The following NEK6 variants were observed in gnomAD, a reference collection of about 807,000 sequenced individuals.
NEK6 encodes serine/threonine-protein kinase Nek6.
A neutral mutation model predicts 43.5 loss-of-function variants in NEK6; 27 were observed. The observed-to-expected ratio is 0.62, with a 90% CI of 0.46 to 0.86. The LOEUF (loss-of-function observed/expected upper bound fraction) is 0.86. Among genes scored for constraint, NEK6 ranks in the 40% least tolerant of loss-of-function variants. NEK6 has a pLI of 0.00. For synonymous variants in NEK6, 167 were observed against 164.1 expected, an observed-to-expected ratio of 1.02 and a Z score of -0.14; for missense variants, 318 against 414.4, an observed-to-expected ratio of 0.77 and a Z score of 2.02.
chr9:124,342,317 C>T (rs541269934), intron 8 of NEK6, among the ~76,000 whole-genome samples: 6 of 152,292 alleles, frequency 3.9e-5, no homozygotes, highest in East Asian at 1.9e-4. Flanking sequence ...AGTGGATGGT[C>T]GGGGAGCACA....
chr9:124,276,488 C>T (rs1399047060), intron 1 of NEK6, among the ~76,000 whole-genome samples: 1 of 152,182 alleles, frequency 6.6e-6, no homozygotes, highest in Non-Finnish European at 1.5e-5. Context: ...AAAGAAAAAT[C>T]ATGAAGCAAT....
At chr9:124,273,870 A>T (rs1184322240) in intron 1 of NEK6, among the ~76,000 whole-genome samples, 6 of 152,160 alleles carry the variant, frequency 3.9e-5, no homozygotes, top group African/African-American at 1.4e-4. Flanking sequence ...GGTTTTAGCG[A>T]GTGCGGCGGC....
intron 7 of NEK6, among the ~76,000 whole-genome samples, chr9:124,336,420 T>A (rs1829291875): frequency 6.6e-6 from 1 of 152,200 alleles, no homozygotes; most frequent in African/African-American, 2.4e-5. Context: ...GGCTTTGTGT[T>A]TTTTAAATGC....
At chr9:124,273,526 C>T (rs1831531671) in intron 1 of NEK6, among the ~76,000 whole-genome samples, 1 of 152,178 alleles carries the variant, frequency 6.6e-6, no homozygotes, top group Non-Finnish European at 1.5e-5. Context: ...TCCACCCTTC[C>T]TGGGACCGAC....
In NEK6 at chr9:124,291,763, T is replaced by C. The variant is rs189836743; in HGVS notation, c.-29-10173T>C. ...TTGTCCCTCCCTGAGCCTACACTGG[T>C]CTAATCGGGTGGTGCTGCCATCAGA... On this transcript the variant is annotated intron_variant, in intron 1 of 9. Transcript: ENST00000320246. The C allele has an allele frequency of 1.6e-4, 153 of 955,762 alleles. No individual in the cohort carries two copies. The African/African-American group carries it at 2.6e-3, about 16-fold the overall frequency. The allele number at this position is 955,762 out of a possible 1,614,324, so 59.2% of individuals were successfully genotyped here.
intron 8 of NEK6, among the ~76,000 whole-genome samples, chr9:124,342,590 C>T (rs981745107): frequency 1.3e-5 from 2 of 152,250 alleles, no homozygotes; most frequent in Non-Finnish European, 2.9e-5. Context: ...ACGGGCACTT[C>T]TGCCCGCCTC....
chr9:124,272,282 T>C (rs988884308), intron 1 of NEK6, among the ~76,000 whole-genome samples: 1 of 152,210 alleles, frequency 6.6e-6, no homozygotes, highest in African/African-American at 2.4e-5. Context: ...TTGTTTTCTT[T>C]GTTCATTCAT....
chr9:124,270,701 T>C (rs1243443054), intron 1 of NEK6, among the ~76,000 whole-genome samples: 1 of 152,222 alleles, frequency 6.6e-6, no homozygotes, highest in Non-Finnish European at 1.5e-5. Context: ...TCCGGGCCCC[T>C]GCTGCAGGTA....
intron 1 of NEK6, among the ~76,000 whole-genome samples, chr9:124,296,239 G>A (rs911443105): frequency 7.2e-5 from 11 of 152,248 alleles, no homozygotes; most frequent in Admixed American, 2.6e-4. Context: ...CGCTCGGGGC[G>A]GAGAGAAAGC....
At chr9:124,347,567 TC>T in intron 8 of NEK6, 141 bp from the exon 9 acceptor site, 1 of 538,034 alleles carries the variant, frequency 1.9e-6, no homozygotes, top group South Asian at 3.2e-5. Context: ...GCTCGGTGAT[TC>T]GGGGGAGAAG....
chr9:124,307,248 C>T (rs183459052), intron 2 of NEK6, among the ~76,000 whole-genome samples: 54 of 152,004 alleles, frequency 3.6e-4, no homozygotes, highest in African/African-American at 1.2e-3. Context: ...GAGAAGACAG[C>T]GTGGGTTTCT....
At position 124,281,058 on chromosome 9, in the gene NEK6, TTTTG is replaced by T. The variant is rs1466717649; in HGVS notation, c.-29-20874_-29-20871del. Among the ~76,000 whole-genome samples, 8 of 152,204 alleles carry T rather than the reference TTTTG, an allele frequency of 5.3e-5. No homozygotes were observed. The East Asian group carries it at 1.5e-3, about 29-fold the overall frequency. On this transcript the variant is annotated intron_variant, in intron 1 of 9. Transcript: ENST00000320246. ...CACCCACCTCAGCCTCACAAAGCGCTTTTGTTTTTCTTGAGAAAGATCAGAGCTT... is the reference window on the plus strand; with the variant it reads ...CACCCACCTCAGCCTCACAAAGCGCTTTTTTCTTGAGAAAGATCAGAGCTT...
At chr9:124,316,346 C>G (rs1833817402) in intron 4 of NEK6, among the ~76,000 whole-genome samples, 1 of 152,184 alleles carries the variant, frequency 6.6e-6, no homozygotes. Flanking sequence ...TGCTGGACAC[C>G]AGGGTGCAGC....
chr9:124,317,070 G>A (rs16927345), intron 4 of NEK6, among the ~76,000 whole-genome samples: 6 of 152,190 alleles, frequency 3.9e-5, no homozygotes, highest in South Asian at 2.1e-4. Context: ...TGCCCACGCC[G>A]TAGGTCATGT....
At chr9:124,259,369 AG>A (rs1830935620) in intron 1 of NEK6, 1 of 150,076 alleles carries the variant, frequency 6.7e-6, no homozygotes, top group Non-Finnish European at 1.5e-5. Context: ...CGTTAATGGA[AG>A]AAGAATTTCA....
intron 1 of NEK6, among the ~76,000 whole-genome samples, chr9:124,278,480 A>G (rs1478638390): frequency 4.6e-5 from 7 of 152,176 alleles, no homozygotes; most frequent in African/African-American, 1.7e-4. Flanking sequence ...TTGCTCAAGA[A>G]GATGAGCCCA....
chr9:124,295,873 C>T (rs1036821245), intron 1 of NEK6, among the ~76,000 whole-genome samples: 1 of 152,242 alleles, frequency 6.6e-6, no homozygotes, highest in African/African-American at 2.4e-5. Context: ...CAGCTCTCTC[C>T]ACTGTGTGGA....
rs1331996591 is a variant in NEK6 at position 124,301,990 on chromosome 9, C to G, written c.26C>G (p.Pro9Arg). Residue 9 changes from proline (P) to arginine (R), a missense_variant, in exon 2 of 10, where the codon CCC becomes CGC. By Grantham distance (103) the Pro-to-Arg change is moderately radical. Transcript: ENST00000320246. Reference sequence around the variant, plus strand: ...ATGGCAGGACAGCCCGGCCACATGCCCCATGGAGGGAGTTCCAACAACCTC... The same window carrying G: ...ATGGCAGGACAGCCCGGCCACATGCGCCATGGAGGGAGTTCCAACAACCTC... MAGQPGHM[P>R]HGGSSNNLCH... The G allele has an allele frequency of 1.2e-6, 2 of 1,604,222 alleles. No homozygotes were observed. Among genetic ancestry groups the G allele is most frequent in the East Asian group, 2.2e-5 (1 of 44,462 alleles).
At chr9:124,292,923 G>A (rs1832494798) in intron 1 of NEK6, 1 of 1,541,700 alleles carries the variant, frequency 6.5e-7, no homozygotes, top group East Asian at 2.4e-5. Flanking sequence ...GTGAGTCCAG[G>A]AAGGCTGCCT....
Sources: allele counts gnomAD v4.1 joint callset (sites outside exome capture counted in the v4.1 genomes callset), GRCh38; gene constraint gnomAD v4.1.1; transcripts MANE v1.5; gene names NCBI Gene and HGNC (gene_info 2026-07-23, HGNC 2026-07-21).